Variants in IMPG2 observed in about 807,000 individuals in gnomAD.
IMPG2 encodes IPM 200.
Under a neutral mutation model 129.2 loss-of-function variants are expected in IMPG2, and 91 were observed. The observed-to-expected ratio is 0.70, with a 90% CI of 0.59 to 0.84. The LOEUF (loss-of-function observed/expected upper bound fraction) is 0.84. IMPG2 is among the 40% of genes least tolerant of loss of function. The probability of loss-of-function intolerance (pLI) is 0.00; values close to 1 mark genes in which losing one functional copy is unlikely to be tolerated. For synonymous variants in IMPG2, 510 were observed against 517.7 expected (o/e 0.99, Z 0.20); for missense variants, 1,430 against 1,461.7 (o/e 0.98, Z 0.35).
In IMPG2 at chr3:101,242,795, G is replaced by A. The variant is rs1205331271; in HGVS notation, c.2915C>T (p.Pro972Leu). The A allele has an allele frequency of 6.2e-7, 1 of 1,613,862 alleles. No homozygotes were observed. The highest frequency in any genetic ancestry group is 1.3e-5 in the African/African-American group (1 of 74,924). The part of the protein sequence containing the change: ...NSRMKFANSV[P>L]PNVNNAVYMI... ...GTACACCGCATTGTTGACGTTAGGA[G>A]GGACAGAATTGGCAAACTTCATTCG... The change falls in exon 14 of 19, where the codon CCT becomes CTT. Residue 972 changes from proline (P) to leucine (L), a missense_variant. Physicochemically the swap from Pro to Leu is moderately conservative, Grantham distance 98. Transcript: ENST00000193391.
At chr3:101,280,178 T>C (rs1645326105) in intron 4 of IMPG2, among the ~76,000 whole-genome samples, 1 of 152,224 alleles carries the variant, frequency 6.6e-6, no homozygotes, top group African/African-American at 2.4e-5. Context: ...CACTACTACC[T>C]AATCATGTCA....
intron 2 of IMPG2, 134 bp downstream of exon 2, chr3:101,319,450 T>C: frequency 2.8e-6 from 3 of 1,069,502 alleles, no homozygotes; most frequent in Non-Finnish European, 4.3e-6. Context: ...CACTATATTC[T>C]TAGCAGTAGA....
intron 2 of IMPG2, among the ~76,000 whole-genome samples, chr3:101,310,429 C>T (rs534100025): frequency 5.8e-4 from 88 of 151,884 alleles, no homozygotes; most frequent in Non-Finnish European, 1.2e-3. Context: ...CATGGTGGCA[C>T]GTGCCTATAG....
At chr3:101,285,185 T>G (rs1180619569) in intron 4 of IMPG2, among the ~76,000 whole-genome samples, 2 of 152,234 alleles carry the variant, frequency 1.3e-5, no homozygotes, top group Non-Finnish European at 2.9e-5. Context: ...ATGGTAGGGT[T>G]GGAGATATGT....
intron 4 of IMPG2, among the ~76,000 whole-genome samples, chr3:101,290,108 G>T (rs929820259): frequency 6.6e-6 from 1 of 151,952 alleles, no homozygotes; most frequent in South Asian, 2.1e-4. Context: ...GACCTCTAAG[G>T]TTCCTTCTAG....
In IMPG2 at chr3:101,293,134, C is replaced by T. The variant is rs114815172; in HGVS notation, c.502-1624G>A. On this transcript the variant is annotated intron_variant, in intron 3 of 18. Coordinates refer to ENST00000193391, the MANE Select transcript of IMPG2 (RefSeq NM_016247.4). ...ATTGAGTCATGAATGTTGTCAGTGCCATCTAGATGGTAAATCCTTTCCTGA... is the reference window on the plus strand; with the variant it reads ...ATTGAGTCATGAATGTTGTCAGTGCTATCTAGATGGTAAATCCTTTCCTGA... 3.4e-3 allele frequency among the ~76,000 whole-genome samples: 519 copies of T among 151,840 alleles called. 1 individual carries two copies. The highest frequency in any genetic ancestry group is 5.6e-3 in the Non-Finnish European group (378 of 67,708).
Position 101,232,958 on chromosome 3 carries a change from C to T in IMPG2, c.3056G>A (p.Cys1019Tyr), listed in dbSNP as rs2107208112. ...GACCAGACACTCTGAAAATTCATTA[C>T]AGGCCTGAAACTTGCAAGGGTTGGC... ...DEANPCKFQA[C>Y]NEFSECLVNP... Residue 1019 changes from cysteine (C) to tyrosine (Y), a missense_variant, in exon 15 of 19, where the codon TGT (cysteine) becomes TAT (tyrosine). Cys to Tyr is a radical substitution (Grantham distance 194, BLOSUM62 -2). Coordinates refer to ENST00000193391, the MANE Select transcript of IMPG2 (RefSeq NM_016247.4). The T allele has an allele frequency of 3.7e-6, 6 of 1,614,078 alleles. No individual in the cohort carries two copies. Among genetic ancestry groups the T allele is most frequent in the Non-Finnish European group, 5.1e-6 (6 of 1,180,016 alleles).
intron 4 of IMPG2, among the ~76,000 whole-genome samples, chr3:101,282,686 G>A (rs1385966683): frequency 6.6e-6 from 1 of 152,044 alleles, no homozygotes; most frequent in Non-Finnish European, 1.5e-5. Flanking sequence ...AGAAACACTA[G>A]ATGAACAAAC....
intron 11 of IMPG2, among the ~76,000 whole-genome samples, chr3:101,248,720 A>G (rs1706511767): frequency 6.6e-6 from 1 of 152,206 alleles, no homozygotes; most frequent in Admixed American, 6.5e-5. Flanking sequence ...TAAAACTAAA[A>G]GCACTCTGTC....
At chr3:101,238,947 C>G (rs774581804) in intron 14 of IMPG2, among the ~76,000 whole-genome samples, 5 of 152,164 alleles carry the variant, frequency 3.3e-5, no homozygotes, top group Non-Finnish European at 7.4e-5. Context: ...GAGACAAGAC[C>G]CATCAGTGTG....
intron 2 of IMPG2, among the ~76,000 whole-genome samples, chr3:101,307,970 A>G (rs1707221986): frequency 6.6e-6 from 1 of 152,204 alleles, no homozygotes; most frequent in African/African-American, 2.4e-5. Context: ...TGCAAATGGG[A>G]GAAATTGGCC....
chr3:101,260,199 T>C (rs1210341275), intron 9 of IMPG2, among the ~76,000 whole-genome samples: 2 of 152,060 alleles, frequency 1.3e-5, no homozygotes, highest in Non-Finnish European at 2.9e-5. Flanking sequence ...TTACTCTGAG[T>C]GACTACAATA....
intron 3 of IMPG2, 98 bp from the exon 4 acceptor site, chr3:101,291,608 T>G: frequency 1.2e-6 from 1 of 831,694 alleles, no homozygotes; most frequent in Non-Finnish European, 2.1e-6. Context: ...CCTACCATGG[T>G]AGAATCTATG....
chr3:101,286,040 T>C (rs1001277957), intron 4 of IMPG2, among the ~76,000 whole-genome samples: 2 of 152,140 alleles, frequency 1.3e-5, no homozygotes, highest in African/African-American at 2.4e-5. Context: ...AGGGGTTGAA[T>C]ACTGGCTTTG....
intron 2 of IMPG2, among the ~76,000 whole-genome samples, chr3:101,312,530 CA>C (rs1203910272): frequency 1.3e-5 from 2 of 151,828 alleles, no homozygotes; most frequent in African/African-American, 4.8e-5. Context: ...ACATTGCTGG[CA>C]AAGATATGAC....
chr3:101,229,300 A>ACCCCCCCCCCCCCCCCCCCCCCCCCCCCC, intron 17 of IMPG2, 80 bp downstream of exon 17: 2 of 859,118 alleles, frequency 2.3e-6, no homozygotes, highest in East Asian at 2.9e-5. Context: ...ACTCATACAC[A>ACCCCCCCCCCCCCCCCCCCCCCCCCCCCC]CCCCCACCCA....
intron 2 of IMPG2, among the ~76,000 whole-genome samples, chr3:101,319,357 A>T (rs1173932175): frequency 6.6e-6 from 1 of 152,122 alleles, no homozygotes; most frequent in Non-Finnish European, 1.5e-5. Flanking sequence ...TTATTAAATG[A>T]TATTATTGCC....
chr3:101,283,882 C>A (rs1412801441), intron 4 of IMPG2, among the ~76,000 whole-genome samples: 1 of 119,368 alleles, frequency 8.4e-6, no homozygotes, highest in Non-Finnish European at 2.0e-5. Context: ...AATATATAGA[C>A]TAATAAGAAA....
intron 4 of IMPG2, among the ~76,000 whole-genome samples, chr3:101,280,779 C>T (rs899283130): frequency 6.6e-6 from 1 of 152,004 alleles, no homozygotes; most frequent in Non-Finnish European, 1.5e-5. Context: ...AACCCCATCT[C>T]TACTAAAAAA....
Sources: allele counts gnomAD v4.1 joint callset (sites outside exome capture counted in the v4.1 genomes callset), GRCh38; gene constraint gnomAD v4.1.1; transcripts MANE v1.5; gene names NCBI Gene and HGNC (gene_info 2026-07-23, HGNC 2026-07-21).